TENM1: variants seen among roughly 807,000 people sequenced by gnomAD.
TENM1 encodes the protein teneurin transmembrane protein 1.
A neutral mutation model predicts 174.8 loss-of-function variants in TENM1; 35 were observed. The ratio of observed to expected loss-of-function variants is 0.20; its 90% confidence interval spans 0.15 to 0.27. TENM1 has a LOEUF of 0.27. Among genes scored for constraint, TENM1 ranks in the 10% least tolerant of loss-of-function variants. The pLI is 1.00. For synonymous variants in TENM1, 781 were observed against 798.7 expected (o/e 0.98, Z 0.37); for missense variants, 1,633 against 2,130.1 (o/e 0.77, Z 4.59).
the TENM1 span, among the ~76,000 whole-genome samples, chrX:125,100,771 T>C: frequency 9.0e-6 from 1 of 111,500 alleles, no homozygotes; most frequent in African/African-American, 3.3e-5. Flanking sequence ...TTCCCCTCCT[T>C]CTCCTCCTGA....
the TENM1 span, among the ~76,000 whole-genome samples, chrX:125,111,440 G>A: frequency 9.9e-5 from 11 of 111,054 alleles, no homozygotes; most frequent in African/African-American, 3.6e-4. Context: ...ATAAATAAAA[G>A]AGTGACCAGG....
the TENM1 span, among the ~76,000 whole-genome samples, chrX:125,084,392 A>G: frequency 9.1e-6 from 1 of 110,090 alleles, no homozygotes; most frequent in Non-Finnish European, 1.9e-5. Context: ...TTTTTTCTTT[A>G]TGTCTTATAT....
chrX:124,733,520 G>A lies in TENM1; in HGVS notation c.776+3437C>T, dbSNP rs141798949. 4.9e-3 allele frequency among the ~76,000 whole-genome samples: 552 copies of A among 111,957 alleles called. 4 individuals carry two copies. The highest frequency in any genetic ancestry group is 0.017 in the African/African-American group (517 of 30,801). On this transcript the variant is annotated intron_variant, in intron 4 of 31. Transcript: ENST00000422452. ...TTTGTATATTCATTTTTACAGATGA[G>A]GAGGCTGAGGCTCAGACAGGTTCTG...
chrX:124,857,178 G>A (rs925316052), intron 3 of TENM1, among the ~76,000 whole-genome samples: 1 of 111,053 alleles, frequency 9.0e-6, no homozygotes, highest in Admixed American at 9.6e-5. Flanking sequence ...TCATCTGAGG[G>A]AAAACCACAT....
the TENM1 span, among the ~76,000 whole-genome samples, chrX:124,984,843 T>A: frequency 8.9e-6 from 1 of 111,994 alleles, no homozygotes. Context: ...CATGTCCTTA[T>A]ATATAAAATT....
intron 1 of TENM1, among the ~76,000 whole-genome samples, chrX:124,951,639 A>T (rs866501334): frequency 1.6e-3 from 100 of 62,998 alleles, no homozygotes; most frequent in Non-Finnish European, 2.1e-3. Context: ...GAAAAGTTAA[A>T]ATATATATAT....
intron 3 of TENM1, among the ~76,000 whole-genome samples, chrX:124,834,222 A>G (rs747654945): frequency 8.9e-6 from 1 of 112,023 alleles, no homozygotes; most frequent in African/African-American, 3.2e-5. Flanking sequence ...CCCAGGCTGG[A>G]GAGCAGTGGT....
At chrX:124,459,595 G>A (rs751980281) in intron 22 of TENM1, among the ~76,000 whole-genome samples, 13 of 111,602 alleles carry the variant, frequency 1.2e-4, no homozygotes, top group Non-Finnish European at 2.1e-4. Flanking sequence ...ATTAACTCAA[G>A]ATGGATTAAA....
intron 19 of TENM1, among the ~76,000 whole-genome samples, chrX:124,501,598 A>G (rs16999230): frequency 0.021 from 2,372 of 111,945 alleles, 57 homozygotes; most frequent in African/African-American, 0.065. Context: ...AAAAAGCAGG[A>G]TGCCTAAAGA....
the TENM1 span, among the ~76,000 whole-genome samples, chrX:124,976,267 C>T: frequency 2.7e-5 from 3 of 111,651 alleles, no homozygotes; most frequent in East Asian, 5.6e-4. Flanking sequence ...TAATATGTTT[C>T]CTTATTTTAC....
intron 3 of TENM1, among the ~76,000 whole-genome samples, chrX:124,744,293 C>T (rs956115456): frequency 9.0e-6 from 1 of 110,964 alleles, no homozygotes; most frequent in Non-Finnish European, 1.9e-5. Context: ...AGAGTAGTTT[C>T]GTAATGTTAA....
the TENM1 span, among the ~76,000 whole-genome samples, chrX:125,184,322 T>C: frequency 3.6e-5 from 4 of 111,165 alleles, no homozygotes; most frequent in African/African-American, 1.3e-4. Context: ...GACTCATAAT[T>C]ACCAAATTAA....
chrX:124,637,983 A>G (rs1345915886), intron 11 of TENM1, among the ~76,000 whole-genome samples: 3 of 112,440 alleles, frequency 2.7e-5, no homozygotes. Flanking sequence ...ATTAAAATCC[A>G]TAGGGATGCT....
the TENM1 span, among the ~76,000 whole-genome samples, chrX:125,012,497 C>T: frequency 2.7e-5 from 3 of 112,013 alleles, no homozygotes; most frequent in East Asian, 5.6e-4. Context: ...TATTTAGCAT[C>T]GTACTTTAGA....
chrX:124,503,477 G>A (rs1477811396), intron 19 of TENM1, 83 bp downstream of exon 22: 6 of 932,156 alleles, frequency 6.4e-6, no homozygotes, highest in Non-Finnish European at 8.8e-6. Context: ...TTTTTATCTT[G>A]TACTTTCCAA....
chrX:124,839,348 A>C (rs2056453525), intron 3 of TENM1, among the ~76,000 whole-genome samples: 1 of 111,632 alleles, frequency 9.0e-6, no homozygotes, highest in Admixed American at 9.5e-5. Context: ...GAAAGAAGGA[A>C]GTGAAGTTTT....
chrX:124,748,832 A>T (rs995533219), intron 3 of TENM1, among the ~76,000 whole-genome samples: 5 of 112,235 alleles, frequency 4.5e-5, no homozygotes, highest in Non-Finnish European at 9.4e-5. Context: ...TCATCTGTAA[A>T]ATAAGGATAG....
At chrX:124,756,153 C>T (rs2054231445) in intron 3 of TENM1, among the ~76,000 whole-genome samples, 2 of 103,908 alleles carry the variant, frequency 1.9e-5, no homozygotes, top group South Asian at 4.3e-4. Flanking sequence ...GGTCTTTTCA[C>T]ATAGTCCCAT....
the TENM1 span, among the ~76,000 whole-genome samples, chrX:125,004,003 T>TA: frequency 1.8e-5 from 2 of 111,985 alleles, no homozygotes; most frequent in East Asian, 5.6e-4. Flanking sequence ...GTTAAGTTAA[T>TA]CAATAATAGA....
Sources: gnomAD v4.1 joint callset for allele counts (sites outside exome capture counted in the v4.1 genomes callset) on GRCh38, gnomAD v4.1.1 for gene constraint, MANE v1.5 for transcripts, NCBI Gene and HGNC (gene_info 2026-07-23, HGNC 2026-07-21) for gene names.